Variants in MZT2A observed in about 807,000 individuals in gnomAD.
MZT2A encodes mitotic-spindle organizing protein 2A.
MZT2A carries 8 observed loss-of-function variants against 12.4 expected under a neutral mutation model. The observed-to-expected ratio is 0.64, with a 90% confidence interval of 0.38 to 1.16. The LOEUF (loss-of-function observed/expected upper bound fraction) is 1.16. MZT2A is among the 50% of genes most tolerant of loss of function. The probability of loss-of-function intolerance (pLI) is 0.01; values close to 1 mark genes in which losing one functional copy is unlikely to be tolerated. For missense variants in MZT2A, 181 were observed against 223.6 expected (o/e 0.81, Z 1.22); for synonymous variants, 88 against 107.5 (o/e 0.82, Z 1.12).
At chr2:131,480,829 TGG>T, downstream of MZT2A, 1 of 1,550,226 alleles carries the variant, frequency 6.5e-7, no homozygotes, top group Non-Finnish European at 8.8e-7. Flanking sequence ...CCACATCCTT[TGG>T]GGAGATTATC....
chr2:131,487,777 T>C (rs1573871921), intron 2 of MZT2A, among the ~76,000 whole-genome samples: 1 of 152,208 alleles, frequency 6.6e-6, no homozygotes, highest in East Asian at 1.9e-4. Flanking sequence ...GGTTTTTTGT[T>C]TATTTTTGAG....
At chr2:131,485,851 G>C (rs1050532216) in intron 2 of MZT2A, among the ~76,000 whole-genome samples, 1 of 151,962 alleles carries the variant, frequency 6.6e-6, no homozygotes, top group Non-Finnish European at 1.5e-5. Context: ...TGAACAAGCA[G>C]AGACTCCTGT....
intron 2 of MZT2A, among the ~76,000 whole-genome samples, chr2:131,485,627 G>A (rs1436600688): frequency 1.3e-5 from 2 of 152,100 alleles, no homozygotes; most frequent in East Asian, 1.9e-4. Flanking sequence ...AAAGGTTTGG[G>A]GCAGTCCCGT....
chr2:131,493,151 C>A, upstream of MZT2A: 1 of 1,440,320 alleles, frequency 6.9e-7, no homozygotes, highest in Non-Finnish European at 9.1e-7. Context: ...GTGAGTGGCG[C>A]GGGACGCGCG....
At chr2:131,471,494 T>G (rs1214454102) in intron 3 of MZT2A, among the ~76,000 whole-genome samples, 1 of 148,350 alleles carries the variant, frequency 6.7e-6, no homozygotes, top group East Asian at 1.9e-4. Flanking sequence ...AATTGTGTTA[T>G]TACTATACTT....
At position 131,491,895 on chromosome 2, in the gene MZT2A, C is replaced by T. The variant is rs1559363956; in HGVS notation, c.300G>A (p.Ser100=). 2 of 1,510,460 alleles carry T rather than the reference C, an allele frequency of 1.3e-6. No individual in the cohort carries two copies. The highest frequency in any genetic ancestry group is 2.0e-5 in the Admixed American group (1 of 49,722). 93.6% of individuals were successfully genotyped at this position (1,510,460 alleles called of 1,614,324 possible). The change falls in exon 2 of 3, where the codon TCG becomes TCA. Residue 100 remains serine (S), a synonymous_variant. Coordinates refer to ENST00000309451, the MANE Select transcript of MZT2A (RefSeq NM_001085365.2). ...TCTGACCTCGGGTCTCGGGCACGCTCGACGTGGGCAGAGACACGGCCGCAG... is the reference window on the plus strand; with the variant it reads ...TCTGACCTCGGGTCTCGGGCACGCTTGACGTGGGCAGAGACACGGCCGCAG... The part of the protein sequence containing the change: ...QDPAAVSLPT[S]SVPETRGRDK...
intron 2 of MZT2A, among the ~76,000 whole-genome samples, chr2:131,485,098 C>A (rs1457744667): frequency 6.6e-6 from 1 of 152,176 alleles, no homozygotes; most frequent in Admixed American, 6.5e-5. Flanking sequence ...GGTCACAGCC[C>A]CCCATGCGGA....
chr2:131,491,347 G>A, intron 2 of MZT2A: 1 of 278,280 alleles, frequency 3.6e-6, no homozygotes, highest in Non-Finnish European at 7.0e-6. Flanking sequence ...GGGCCCAGGT[G>A]GGGTAAAGGC....
upstream of MZT2A, chr2:131,492,867 G>T: frequency 1.3e-6 from 2 of 1,495,782 alleles, no homozygotes; most frequent in Non-Finnish European, 9.0e-7. Context: ...GCCCTACCTT[G>T]GGGCGCCAGA....
intron 2 of MZT2A, among the ~76,000 whole-genome samples, chr2:131,488,978 CCACA>C (rs1679170983): frequency 6.6e-6 from 1 of 151,034 alleles, no homozygotes; most frequent in Non-Finnish European, 1.5e-5. Flanking sequence ...GCCACAACCC[CCACA>C]TACATCTTGA....
chr2:131,475,175 C>T (rs982953102), intron 2 of MZT2A, among the ~76,000 whole-genome samples: 5 of 151,888 alleles, frequency 3.3e-5, no homozygotes, highest in African/African-American at 9.7e-5. Context: ...CAAGGTGGGT[C>T]TCACCACGTT....
chr2:131,484,313 C>T, intron 2 of MZT2A, 95 bp from the exon 3 acceptor site: 1 of 1,542,932 alleles, frequency 6.5e-7, no homozygotes, highest in South Asian at 1.2e-5. Flanking sequence ...TTTGTGTCTA[C>T]ACATTTCCAT....
downstream of MZT2A, among the ~76,000 whole-genome samples, chr2:131,483,135 A>G (rs1362952179): frequency 6.6e-6 from 1 of 152,194 alleles, no homozygotes; most frequent in African/African-American, 2.4e-5. Context: ...TTCAATGTAT[A>G]GATTTCCTAA....
intron 2 of MZT2A, among the ~76,000 whole-genome samples, chr2:131,484,920 T>G (rs1447113994): frequency 6.6e-6 from 1 of 152,208 alleles, no homozygotes; most frequent in East Asian, 1.9e-4. Flanking sequence ...ATTTGTAATT[T>G]GCTTACTTTA....
intron 2 of MZT2A, 88 bp from the exon 3 acceptor site, chr2:131,484,306 G>T: frequency 1.3e-6 from 2 of 1,557,242 alleles, no homozygotes; most frequent in Non-Finnish European, 1.7e-6. Context: ...GGCAACATTT[G>T]TGTCTACACA....
chr2:131,492,568 G>A, upstream of MZT2A: 3 of 1,184,730 alleles, frequency 2.5e-6, no homozygotes, highest in Non-Finnish European at 3.1e-6. Context: ...GGTGTGCTGA[G>A]CGGCGCGCTA....
chr2:131,479,565 C>T (rs1389903283), downstream of MZT2A: 113 of 1,550,592 alleles, frequency 7.3e-5, no homozygotes, highest in Non-Finnish European at 8.9e-5. Context: ...CTTGGCCGGG[C>T]GCGGTGGCTC....
At chr2:131,486,582 G>A (rs933039769) in intron 2 of MZT2A, 3 of 151,988 alleles carry the variant, frequency 2.0e-5, no homozygotes, top group Non-Finnish European at 2.9e-5. Flanking sequence ...GGATGACAGC[G>A]AAGCAGAAAA....
At chr2:131,487,695 A>G (rs1679107561) in intron 2 of MZT2A, among the ~76,000 whole-genome samples, 1 of 152,214 alleles carries the variant, frequency 6.6e-6, no homozygotes, top group Admixed American at 6.5e-5. Flanking sequence ...GCTTCAAGTG[A>G]TGCTCCTGCC....
Sources: gnomAD v4.1 joint callset for allele counts (sites outside exome capture counted in the v4.1 genomes callset) on GRCh38, gnomAD v4.1.1 for gene constraint, MANE v1.5 for transcripts, NCBI Gene and HGNC (gene_info 2026-07-23, HGNC 2026-07-21) for gene names.